EFNA5: variants seen among roughly 807,000 people sequenced by gnomAD.
The protein encoded by EFNA5 is ephrin-A5.
A neutral mutation model predicts 22.9 loss-of-function variants in EFNA5; 5 were observed. The ratio of observed to expected loss-of-function variants is 0.22; its 90% CI spans 0.11 to 0.46. The LOEUF (loss-of-function observed/expected upper bound fraction) is 0.46, where lower values mean the gene tolerates loss of function less well. Among genes scored for constraint, EFNA5 ranks in the 20% least tolerant of loss-of-function variants. The pLI, the probability that EFNA5 is intolerant of heterozygous loss-of-function variation, is 0.99. For missense variants in EFNA5, 237 were observed against 293.3 expected, an observed-to-expected ratio of 0.81 and a Z score of 1.40; for synonymous variants, 113 against 112.2, an observed-to-expected ratio of 1.01 and a Z score of -0.04.
At chr5:107,565,370 T>C (rs1748644129) in intron 1 of EFNA5, among the ~76,000 whole-genome samples, 1 of 152,244 alleles carries the variant, frequency 6.6e-6, no homozygotes, top group Admixed American at 6.5e-5. Flanking sequence ...TTCTCATATT[T>C]CATCTCTGTT....
intron 1 of EFNA5, among the ~76,000 whole-genome samples, chr5:107,471,251 C>A (rs1750133314): frequency 6.6e-6 from 1 of 152,128 alleles, no homozygotes; most frequent in Non-Finnish European, 1.5e-5. Flanking sequence ...GGTCTTCTCA[C>A]CTGCTGTGCA....
chr5:107,562,371 T>A (rs954026703), intron 1 of EFNA5, among the ~76,000 whole-genome samples: 11 of 152,074 alleles, frequency 7.2e-5, no homozygotes, highest in Admixed American at 1.3e-4. Flanking sequence ...TCTCTCTCTC[T>A]CACATACAAG....
At chr5:107,431,143 T>C (rs1748946650) in intron 1 of EFNA5, among the ~76,000 whole-genome samples, 1 of 152,184 alleles carries the variant, frequency 6.6e-6, no homozygotes. Context: ...ACAGAATCAA[T>C]TTACACTTTT....
At chr5:107,442,292 C>T (rs1357399159) in intron 1 of EFNA5, among the ~76,000 whole-genome samples, 1 of 152,050 alleles carries the variant, frequency 6.6e-6, no homozygotes, top group African/African-American at 2.4e-5. Context: ...TCATCTTATC[C>T]AGCTGTTTCC....
At chr5:107,589,382 A>AAGT (rs1749269852) in intron 1 of EFNA5, among the ~76,000 whole-genome samples, 1 of 152,174 alleles carries the variant, frequency 6.6e-6, no homozygotes, top group African/African-American at 2.4e-5. Flanking sequence ...GACCTAAAGC[A>AAGT]AGTAGGGGGA....
At chr5:107,499,614 C>T (rs975646273) in intron 1 of EFNA5, among the ~76,000 whole-genome samples, 6 of 152,214 alleles carry the variant, frequency 3.9e-5, no homozygotes, top group Non-Finnish European at 8.8e-5. Context: ...CACAGATGGA[C>T]TAGCATTGGC....
chr5:107,625,667 G>A (rs1389578846), intron 1 of EFNA5, among the ~76,000 whole-genome samples: 3 of 152,122 alleles, frequency 2.0e-5, no homozygotes, highest in African/African-American at 7.2e-5. Context: ...AAGATTGAAT[G>A]TTAAGGTATA....
intron 1 of EFNA5, among the ~76,000 whole-genome samples, chr5:107,569,815 C>A (rs1414713019): frequency 4.2e-5 from 6 of 142,722 alleles, no homozygotes; most frequent in African/African-American, 1.6e-4. Context: ...TTGCACCATG[C>A]CACTCCAGCC....
rs77963565 is a variant in EFNA5, at chr5:107,505,933, T to A, written c.126-78424A>T. ...AAACTGAAGCCTAACTGAAGTAGCT[T>A]GCCCAAGGTGATAGAGCTAGTGAGC... On this transcript the variant is annotated intron_variant, in intron 1 of 4. Transcript: ENST00000333274. Among the ~76,000 whole-genome samples the A allele has an allele frequency of 2.9e-3, 444 of 152,274 alleles. 1 individual carries two copies. Among genetic ancestry groups the A allele is most frequent in the African/African-American group, 0.01 (430 of 41,558 alleles).
At chr5:107,432,158 G>T (rs1748979272) in intron 1 of EFNA5, among the ~76,000 whole-genome samples, 1 of 152,202 alleles carries the variant, frequency 6.6e-6, no homozygotes. Flanking sequence ...AAGCTGAGGG[G>T]TGTGTCAACA....
At chr5:107,439,110 T>C (rs921726872) in intron 1 of EFNA5, among the ~76,000 whole-genome samples, 2 of 152,176 alleles carry the variant, frequency 1.3e-5, no homozygotes, top group Non-Finnish European at 2.9e-5. Context: ...CACAATGTGA[T>C]TGCATTTGGA....
intron 1 of EFNA5, among the ~76,000 whole-genome samples, chr5:107,515,447 C>T (rs1244624640): frequency 6.7e-6 from 1 of 148,842 alleles, no homozygotes. Flanking sequence ...GGCACAATCT[C>T]GGCTCAATGC....
chr5:107,466,613 T>C (rs576909396), intron 1 of EFNA5, among the ~76,000 whole-genome samples: 17 of 152,302 alleles, frequency 1.1e-4, no homozygotes, highest in Admixed American at 2.0e-4. Context: ...TTTGAGACAC[T>C]TGCCTTTCTC....
At chr5:107,472,315 G>C (rs1750162940) in intron 1 of EFNA5, among the ~76,000 whole-genome samples, 1 of 152,076 alleles carries the variant, frequency 6.6e-6, no homozygotes, top group Admixed American at 6.6e-5. Context: ...TATTTTTATC[G>C]TAAGCGTCTA....
chr5:107,410,206 A>G (rs1239514135), intron 2 of EFNA5, among the ~76,000 whole-genome samples: 2 of 151,578 alleles, frequency 1.3e-5, no homozygotes, highest in Non-Finnish European at 2.9e-5. Context: ...TTCTTTTTGT[A>G]TTTTTAGTAG....
At chr5:107,549,548 T>C (rs1005500645) in intron 1 of EFNA5, among the ~76,000 whole-genome samples, 4 of 152,244 alleles carry the variant, frequency 2.6e-5, no homozygotes, top group African/African-American at 9.6e-5. Context: ...TTTGAACAGA[T>C]GGGCCTGGAC....
At chr5:107,583,448 G>A (rs763557847) in intron 1 of EFNA5, among the ~76,000 whole-genome samples, 1 of 152,192 alleles carries the variant, frequency 6.6e-6, no homozygotes, top group African/African-American at 2.4e-5. Context: ...CGTCGGCAAG[G>A]CAACAGAAAT....
At chr5:107,510,834 C>G (rs1046233497) in intron 1 of EFNA5, among the ~76,000 whole-genome samples, 8 of 152,106 alleles carry the variant, frequency 5.3e-5, no homozygotes, top group Non-Finnish European at 1.0e-4. Context: ...AGGATGACAA[C>G]GAGCTACCTA....
chr5:107,611,926 C>T (rs1047239129), intron 1 of EFNA5, among the ~76,000 whole-genome samples: 1 of 152,130 alleles, frequency 6.6e-6, no homozygotes, highest in Non-Finnish European at 1.5e-5. Flanking sequence ...TTTCTCTGCT[C>T]GTTTTCATTT....
Sources: allele counts gnomAD v4.1 joint callset (sites outside exome capture counted in the v4.1 genomes callset), GRCh38; gene constraint gnomAD v4.1.1; transcripts MANE v1.5; gene names NCBI Gene and HGNC (gene_info 2026-07-23, HGNC 2026-07-21).